Variants in SPSB1 observed in about 807,000 individuals in gnomAD.
SPSB1 encodes the protein SPRY domain-containing SOCS box protein 1.
A neutral mutation model predicts 21.2 loss-of-function variants in SPSB1; 8 were observed. The observed-to-expected ratio is 0.38, with a 90% CI of 0.22 to 0.68. SPSB1 has a LOEUF of 0.68. Among genes scored for constraint, SPSB1 ranks in the 30% least tolerant of loss-of-function variants. The probability of loss-of-function intolerance (pLI) is 0.53; values close to 1 mark genes in which losing one functional copy is unlikely to be tolerated. For synonymous variants in SPSB1, 169 were observed against 161.7 expected, an observed-to-expected ratio of 1.05 and a Z score of -0.34; for missense variants, 242 against 377.8, an observed-to-expected ratio of 0.64 and a Z score of 2.98.
chr1:9,312,742 T>C (rs1639543991), intron 1 of SPSB1, among the ~76,000 whole-genome samples: 3 of 152,116 alleles, frequency 2.0e-5, no homozygotes, highest in Admixed American at 2.0e-4. Context: ...CTTTGGGTTT[T>C]ATTATTATTA....
intron 1 of SPSB1, among the ~76,000 whole-genome samples, chr1:9,352,675 T>G (rs1290620954): frequency 6.1e-5 from 9 of 148,600 alleles, no homozygotes. Flanking sequence ...TCCTTCCCCG[T>G]CCCTCCCTGT....
intron 2 of SPSB1, among the ~76,000 whole-genome samples, chr1:9,357,797 G>A (rs1294393368): frequency 6.6e-6 from 1 of 152,192 alleles, no homozygotes; most frequent in Non-Finnish European, 1.5e-5. Flanking sequence ...CTGGGAGTCC[G>A]TGGTAGCAGG....
At chr1:9,336,297 G>A (rs980754202) in intron 1 of SPSB1, among the ~76,000 whole-genome samples, 3 of 151,202 alleles carry the variant, frequency 2.0e-5, no homozygotes, top group African/African-American at 7.3e-5. Flanking sequence ...GTGTGATCTC[G>A]GCTCACTGCA....
At position 9,316,563 on chromosome 1, in the gene SPSB1, G is replaced by A. The variant is rs75946798; in HGVS notation, c.-150+23492G>A. 1.3e-4 allele frequency among the ~76,000 whole-genome samples: 20 copies of A among 152,226 alleles called. 1 individual carries two copies. The highest frequency in any genetic ancestry group is 3.4e-3 in the Middle Eastern group (1 of 294). ...AGGTGCTGGATGGCGAGGAGGGGGG[G>A]GCTGATCGAAGCGGGTTCAGGGGCT... On this transcript the variant is annotated intron_variant, in intron 1 of 2. Coordinates refer to ENST00000328089, the MANE Select transcript of SPSB1 (RefSeq NM_025106.4).
intron 2 of SPSB1, among the ~76,000 whole-genome samples, chr1:9,364,113 G>A (rs971051815): frequency 1.2e-4 from 18 of 152,242 alleles, no homozygotes; most frequent in Admixed American, 1.0e-3. Context: ...GCCACATTCA[G>A]TGGCTCTTGG....
intron 1 of SPSB1, among the ~76,000 whole-genome samples, chr1:9,303,550 C>T (rs1639366824): frequency 6.6e-6 from 1 of 152,292 alleles, no homozygotes; most frequent in Non-Finnish European, 1.5e-5. Flanking sequence ...ATTCTTAGAA[C>T]ATGTGTTGAG....
intron 1 of SPSB1, among the ~76,000 whole-genome samples, chr1:9,353,949 A>G (rs548664360): frequency 1.1e-4 from 16 of 150,342 alleles, no homozygotes; most frequent in African/African-American, 3.6e-4. Context: ...TGTGTCTCAC[A>G]TCAGAAAGGG....
At position 9,345,614 on chromosome 1, in the gene SPSB1, C is replaced by T. The variant is rs951126090; in HGVS notation, c.-149-10129C>T. 2.6e-5 allele frequency among the ~76,000 whole-genome samples: 4 copies of T among 152,182 alleles called. No individual in the cohort carries two copies. The highest frequency in any genetic ancestry group is 5.9e-5 in the Non-Finnish European group (4 of 68,048). ...TACAGCTGCGATATATTGTAATTTT[C>T]AGTCTGTTTGACTATCATGCTGGTT... On this transcript the variant is annotated intron_variant, in intron 1 of 2. Coordinates refer to ENST00000328089, the MANE Select transcript of SPSB1 (RefSeq NM_025106.4). This position sits in a 1 kb window ranked among gnomAD's most constrained non-coding sequence, Gnocchi z 4.8.
At chr1:9,360,302 C>T (rs969503438) in intron 2 of SPSB1, among the ~76,000 whole-genome samples, 2 of 152,182 alleles carry the variant, frequency 1.3e-5, no homozygotes, top group African/African-American at 4.8e-5. Context: ...AGGTCAAGTA[C>T]ATGGACGGCT....
At chr1:9,339,116 AGGCCTGGGGACCCTACTGCGGG>A in intron 1 of SPSB1, 1 of 650,754 alleles carries the variant, frequency 1.5e-6, no homozygotes, top group Non-Finnish European at 1.9e-6. Flanking sequence ...CAGGCAAGGC[AGGCCTGGGGACCCTACTGCGGG>A]GGCTCCGGAG....
At chr1:9,301,541 A>ACCTCCT (rs144801831) in intron 1 of SPSB1, among the ~76,000 whole-genome samples, 11 of 151,154 alleles carry the variant, frequency 7.3e-5, no homozygotes, top group African/African-American at 2.7e-4. Flanking sequence ...ATGTGGATAG[A>ACCTCCT]CCTGAGTGCG....
intron 1 of SPSB1, among the ~76,000 whole-genome samples, chr1:9,302,366 A>G (rs956173569): frequency 1.3e-5 from 2 of 152,174 alleles, no homozygotes; most frequent in South Asian, 2.1e-4. Context: ...GTGGTTTGAC[A>G]TTGTGTAGAA....
chr1:9,303,149 A>G (rs1003630513), intron 1 of SPSB1, among the ~76,000 whole-genome samples: 8 of 152,202 alleles, frequency 5.3e-5, no homozygotes, highest in African/African-American at 1.7e-4. Context: ...CTGCTCCACA[A>G]TGAGGCAAGG....
intron 1 of SPSB1, among the ~76,000 whole-genome samples, chr1:9,334,339 A>G (rs550329977): frequency 1.3e-5 from 2 of 151,946 alleles, no homozygotes; most frequent in Non-Finnish European, 2.9e-5. Flanking sequence ...GCCCGCCTCA[A>G]CCTGTCAAAG....
intron 1 of SPSB1, among the ~76,000 whole-genome samples, chr1:9,318,922 GCT>G (rs1639659307): frequency 6.6e-6 from 1 of 152,180 alleles, no homozygotes; most frequent in African/African-American, 2.4e-5. Flanking sequence ...GGGCGCAGTG[GCT>G]CACACCTGTA....
At chr1:9,308,387 G>A (rs977336560) in intron 1 of SPSB1, among the ~76,000 whole-genome samples, 10 of 152,296 alleles carry the variant, frequency 6.6e-5, no homozygotes, top group African/African-American at 2.2e-4. Flanking sequence ...TGCCCTGACT[G>A]TGGGTCGGGG....
At chr1:9,313,385 A>G (rs2100473371) in intron 1 of SPSB1, among the ~76,000 whole-genome samples, 1 of 152,146 alleles carries the variant, frequency 6.6e-6, no homozygotes, top group African/African-American at 2.4e-5. Context: ...GGGCAACAAG[A>G]GCGAAACACC....
intron 1 of SPSB1, among the ~76,000 whole-genome samples, chr1:9,325,026 C>T (rs1639790578): frequency 6.6e-6 from 1 of 152,240 alleles, no homozygotes; most frequent in Admixed American, 6.5e-5. Flanking sequence ...CACTCACTGG[C>T]TGCTGCCTCC....
chr1:9,367,427 G>C lies in SPSB1; in HGVS notation c.695-21G>C. 1 of 1,613,058 alleles carries C rather than the reference G, an allele frequency of 6.2e-7. No individual in the cohort carries two copies. The highest frequency in any genetic ancestry group is 8.5e-7 in the Non-Finnish European group (1 of 1,179,954). ...ACACCCACCCAAGCTGCGCTGACCTGCAGTTTCTCTGTCTCCCCAGCCGAG... is the reference window on the plus strand; with the variant it reads ...ACACCCACCCAAGCTGCGCTGACCTCCAGTTTCTCTGTCTCCCCAGCCGAG... On this transcript the variant is annotated intron_variant, in intron 2 of 2. Coordinates refer to ENST00000328089, the MANE Select transcript of SPSB1 (RefSeq NM_025106.4). The surrounding 1 kb of genome is among the most constrained non-coding windows in gnomAD (Gnocchi z 5.9).
Sources: allele counts gnomAD v4.1 joint callset (sites outside exome capture counted in the v4.1 genomes callset), GRCh38; gene constraint gnomAD v4.1.1; non-coding constraint Gnocchi (gnomAD v3.1); transcripts MANE v1.5; gene names NCBI Gene and HGNC (gene_info 2026-07-23, HGNC 2026-07-21).